Variants in RC3H2 observed in about 807,000 individuals in gnomAD.
The protein encoded by RC3H2 is ring finger and CCCH-type domains 2.
Under a neutral mutation model 133.3 loss-of-function variants are expected in RC3H2, and 31 were observed. The ratio of observed to expected loss-of-function variants is 0.23; its 90% CI spans 0.17 to 0.31. The LOEUF is 0.31. RC3H2 is among the 10% of genes least tolerant of loss of function. The pLI, the probability that RC3H2 is intolerant of heterozygous loss-of-function variation, is 1.00. For synonymous variants in RC3H2, 517 were observed against 502.2 expected, an observed-to-expected ratio of 1.03 and a Z score of -0.40; for missense variants, 1,175 against 1,437.2, an observed-to-expected ratio of 0.82 and a Z score of 2.95.
intron 9 of RC3H2, among the ~76,000 whole-genome samples, chr9:122,868,932 A>C (rs1348455031): frequency 8.2e-5 from 9 of 109,202 alleles, no homozygotes; most frequent in Admixed American, 3.7e-4. Flanking sequence ...GTTAAGTTCC[A>C]CTCTTGTCGC....
chr9:122,861,279 T>A (rs962759660), intron 10 of RC3H2, among the ~76,000 whole-genome samples: 1 of 151,780 alleles, frequency 6.6e-6, no homozygotes, highest in African/African-American at 2.4e-5. Context: ...TCAACTGAGG[T>A]TGGGAGTTCG....
intron 1 of RC3H2, among the ~76,000 whole-genome samples, chr9:122,899,779 A>C (rs1199974887): frequency 2.0e-5 from 3 of 152,240 alleles, no homozygotes; most frequent in African/African-American, 7.2e-5. Context: ...AAGCCCTAAT[A>C]TAGTTAATAA....
At chr9:122,863,030 A>C (rs1830518217) in intron 10 of RC3H2, among the ~76,000 whole-genome samples, 3 of 152,166 alleles carry the variant, frequency 2.0e-5, no homozygotes, top group African/African-American at 7.2e-5. Flanking sequence ...ACTAATTCTG[A>C]AACATTTTCA....
intron 13 of RC3H2, among the ~76,000 whole-genome samples, chr9:122,856,490 A>G (rs1337826067): frequency 6.6e-6 from 1 of 152,226 alleles, no homozygotes; most frequent in Non-Finnish European, 1.5e-5. Context: ...CCTGGGCTCA[A>G]GCAATCCACC....
At chr9:122,864,222 G>A (rs1339215182) in intron 10 of RC3H2, among the ~76,000 whole-genome samples, 2 of 152,060 alleles carry the variant, frequency 1.3e-5, no homozygotes, top group African/African-American at 2.4e-5. Flanking sequence ...ACATATTGAT[G>A]AATATTAAAA....
At position 122,874,260 on chromosome 9, in the gene RC3H2, G is replaced by C. The variant is rs201964621; in HGVS notation, c.1325+3211C>G. 2.3e-4 allele frequency: 35 copies of C among 152,218 alleles called. No homozygotes were observed. In the East Asian group the frequency reaches 6.6e-3, roughly 29 times the overall value. The allele number at this position is 152,218 out of a possible 1,614,324, so 9.4% of individuals were successfully genotyped here. On this transcript the variant is annotated intron_variant, in intron 9 of 20. Transcript: ENST00000357244. ...GTATACAAATGGCAGAGTAGAGCTA[G>C]AGGATAAAATCAGGATGAGATTCTG...
chr9:122,867,629 GC>G, intron 9 of RC3H2, among the ~76,000 whole-genome samples: 1 of 117,378 alleles, frequency 8.5e-6, no homozygotes, highest in East Asian at 2.2e-4. Flanking sequence ...GAGCGTCTCT[GC>G]CCGGCCACCC....
At position 122,897,370 on chromosome 9, in the gene RC3H2, C is replaced by T. The variant is rs1832468561; in HGVS notation, c.140G>A (p.Arg47Gln). Residue 47 changes from arginine (R) to glutamine (Q), a missense_variant, in exon 2 of 21, where the codon CGA becomes CAA. Coordinates refer to ENST00000357244, the MANE Select transcript of RC3H2 (RefSeq NM_001100588.3). ...VCKTCLNKLH[R>Q]KACPFDQTAI... ...AGTCTGGTCAAAAGGACAAGCTTTT[C>T]GATGAAGTTTATTCAAGCAGGTCTT... 1 of 1,614,148 alleles carries T rather than the reference C, an allele frequency of 6.2e-7. No individual in the cohort carries two copies.
chr9:122,858,655 G>C lies in RC3H2; in HGVS notation c.2283+14C>G, dbSNP rs181412688. On this transcript the variant is annotated intron_variant, in intron 12 of 20. Transcript: ENST00000357244. The stretch of plus-strand genomic sequence containing the variant: ...GGCTGTTAATGACTACATTATAGTA[G>C]CATCTTCACTTACCCTTGGTAAAGG... 56 of 1,597,246 alleles carry C rather than the reference G, an allele frequency of 3.5e-5. No homozygotes were observed. In the African/African-American group the frequency reaches 7.3e-4, roughly 21 times the overall value.
chr9:122,883,157 T>G, intron 5 of RC3H2, 47 bp downstream of exon 5: 1 of 1,544,868 alleles, frequency 6.5e-7, no homozygotes, highest in Admixed American at 1.9e-5. Flanking sequence ...TCAGGAAGTC[T>G]CTGTCTCACA....
intron 9 of RC3H2, among the ~76,000 whole-genome samples, chr9:122,866,394 G>A (rs1351808891): frequency 1.2e-4 from 4 of 33,332 alleles, no homozygotes; most frequent in Non-Finnish European, 1.7e-4. Flanking sequence ...CTCTCCCCAC[G>A]GTCTCCCTCT....
At position 122,893,029 on chromosome 9, in the gene RC3H2, T is replaced by TAAA. The variant is rs747020595; in HGVS notation, c.232-6_232-4dup. 8.0e-5 allele frequency: 118 copies of TAAA among 1,479,460 alleles called. No individual in the cohort carries two copies. The highest frequency in any genetic ancestry group is 6.8e-4 in the African/African-American group (45 of 66,458). The allele number at this position is 1,479,460 out of a possible 1,614,324, so 91.6% of individuals were successfully genotyped here. A position where few individuals can be genotyped will look rare whatever the true frequency, so the allele number is the denominator to read the frequency against. On this transcript the variant is annotated splice_region_variant and splice_polypyrimidine_tract_variant and intron_variant, in intron 2 of 20. Coordinates refer to ENST00000357244, the MANE Select transcript of RC3H2 (RefSeq NM_001100588.3). The stretch of plus-strand genomic sequence containing the variant: ...TTAATTGACTGATGATCTGGTACCT[T>TAAA]AAAAAAAAAAAAAAAGGAATATTGC...
intron 3 of RC3H2, among the ~76,000 whole-genome samples, chr9:122,891,124 A>G (rs1832150570): frequency 6.8e-6 from 1 of 146,580 alleles, no homozygotes. Flanking sequence ...GATTCAAGCA[A>G]TTCTCCTGCC....
intron 10 of RC3H2, 105 bp from the exon 11 acceptor site, chr9:122,860,236 A>G: frequency 1.2e-6 from 1 of 817,460 alleles, no homozygotes; most frequent in East Asian, 2.6e-5. Flanking sequence ...ACTAATAGAA[A>G]ACACTTCAGA....
intron 10 of RC3H2, among the ~76,000 whole-genome samples, chr9:122,864,827 T>C (rs1214671131): frequency 6.6e-6 from 1 of 152,066 alleles, no homozygotes; most frequent in Non-Finnish European, 1.5e-5. Context: ...GGTTTCACCA[T>C]GTCAGCCAGG....
At chr9:122,870,974 T>C (rs1831061219) in intron 9 of RC3H2, among the ~76,000 whole-genome samples, 1 of 152,224 alleles carries the variant, frequency 6.6e-6, no homozygotes, top group Non-Finnish European at 1.5e-5. Flanking sequence ...CTAAGTTCAT[T>C]TTCCCATCTC....
At chr9:122,853,895 T>C (rs1830146084) in intron 18 of RC3H2, 57 bp downstream of exon 18, 1 of 1,614,206 alleles carries the variant, frequency 6.2e-7, no homozygotes, top group Non-Finnish European at 8.5e-7. Flanking sequence ...ATAACCAAGA[T>C]GCAGCAGCAG....
intron 4 of RC3H2, among the ~76,000 whole-genome samples, chr9:122,888,036 C>T (rs953555621): frequency 2.6e-5 from 4 of 152,028 alleles, no homozygotes; most frequent in Non-Finnish European, 4.4e-5. Context: ...TGAGCCACTG[C>T]GCCTGGCCTT....
intron 18 of RC3H2, among the ~76,000 whole-genome samples, chr9:122,851,751 G>C (rs914827215): frequency 1.3e-5 from 2 of 152,206 alleles, no homozygotes; most frequent in African/African-American, 4.8e-5. Flanking sequence ...TGCCAGCCTC[G>C]GCCTCCCGAG....
Sources: gnomAD v4.1 joint callset for allele counts (sites outside exome capture counted in the v4.1 genomes callset) on GRCh38, gnomAD v4.1.1 for gene constraint, MANE v1.5 for transcripts, NCBI Gene and HGNC (gene_info 2026-07-23, HGNC 2026-07-21) for gene names.